The following GNAQ variants were observed in gnomAD, a reference collection of about 807,000 sequenced individuals.
The protein encoded by GNAQ is guanine nucleotide-binding protein G(q) subunit alpha.
A neutral mutation model predicts 43.9 loss-of-function variants in GNAQ; 8 were observed. That is an observed-to-expected ratio of 0.18 (90% CI 0.11 to 0.33). GNAQ has a LOEUF of 0.33. Ranked by LOEUF, GNAQ falls within the 10% of genes least tolerant of loss-of-function variation. GNAQ has a pLI of 1.00. For missense variants in GNAQ, 158 were observed against 450.8 expected (o/e 0.35, Z 5.88); for synonymous variants, 155 against 170.7 (o/e 0.91, Z 0.71).
At chr9:77,907,060 A>G (rs1269481371) in intron 2 of GNAQ, among the ~76,000 whole-genome samples, 3 of 152,216 alleles carry the variant, frequency 2.0e-5, no homozygotes, top group Non-Finnish European at 4.4e-5. Context: ...TGAGAAAAAG[A>G]AAAAAGGATC....
intron 2 of GNAQ, among the ~76,000 whole-genome samples, chr9:77,896,663 T>C (rs1170009735): frequency 2.6e-5 from 4 of 152,238 alleles, no homozygotes; most frequent in Non-Finnish European, 5.9e-5. Flanking sequence ...CCAATCAGGA[T>C]ACAAACAAAG....
Position 78,031,580 on chromosome 9 carries a change from G to GC in GNAQ, c.-346dup, listed in dbSNP as rs986536789. 6.6e-4 allele frequency: 100 copies of GC among 151,330 alleles called. 1 individual carries two copies. Among genetic ancestry groups the GC allele is most frequent in the South Asian group, 5.7e-3 (32 of 5,624 alleles). The allele number at this position is 151,330 out of a possible 1,614,324, so 9.4% of individuals were successfully genotyped here. ...TCCCCGGGAACAGGCGGCCCGCCTCGCCCCCCGAGCCGCCGCCGCCGCCGC... is the reference window on the plus strand; with the variant it reads ...TCCCCGGGAACAGGCGGCCCGCCTCGCCCCCCCGAGCCGCCGCCGCCGCCGC... On this transcript the variant is annotated 5_prime_UTR_variant, in exon 1 of 7. It removes the in-frame stop codon of an upstream open reading frame in the 5' UTR. Coordinates refer to ENST00000286548, the MANE Select transcript of GNAQ (RefSeq NM_002072.5).
intron 3 of GNAQ, among the ~76,000 whole-genome samples, chr9:77,811,243 A>C (rs1011142842): frequency 6.6e-6 from 1 of 152,158 alleles, no homozygotes; most frequent in East Asian, 1.9e-4. Context: ...GTGATAATGA[A>C]TAAGAAATTA....
intron 1 of GNAQ, among the ~76,000 whole-genome samples, chr9:78,023,088 T>G (rs548261857): frequency 6.6e-6 from 1 of 152,232 alleles, no homozygotes; most frequent in African/African-American, 2.4e-5. Flanking sequence ...TGGTCCGTGA[T>G]AGATTATCCA....
At chr9:77,895,743 GACC>G (rs1274486712) in intron 2 of GNAQ, among the ~76,000 whole-genome samples, 2 of 152,146 alleles carry the variant, frequency 1.3e-5, no homozygotes, top group Non-Finnish European at 2.9e-5. Flanking sequence ...TTGCAGGAGG[GACC>G]TGGTGGGAGA....
At chr9:77,739,832 A>G (rs1825627299) in intron 5 of GNAQ, among the ~76,000 whole-genome samples, 1 of 152,190 alleles carries the variant, frequency 6.6e-6, no homozygotes, top group Admixed American at 6.5e-5. Context: ...GAGATTTTGG[A>G]TAAAGAGAAA....
intron 5 of GNAQ, among the ~76,000 whole-genome samples, chr9:77,740,397 A>T (rs1031387352): frequency 3.2e-4 from 48 of 152,284 alleles, no homozygotes; most frequent in African/African-American, 1.1e-3. Flanking sequence ...TATGGTGAGC[A>T]TTTCCATTAA....
At chr9:77,919,295 G>A (rs1564151775) in intron 2 of GNAQ, among the ~76,000 whole-genome samples, 1 of 152,172 alleles carries the variant, frequency 6.6e-6, no homozygotes, top group Non-Finnish European at 1.5e-5. Flanking sequence ...CAGGGACAAT[G>A]AAGAATGAAT....
chr9:77,812,246 A>G (rs535818053), intron 3 of GNAQ, among the ~76,000 whole-genome samples: 13 of 152,350 alleles, frequency 8.5e-5, no homozygotes, highest in Admixed American at 2.6e-4. Flanking sequence ...GAGCTGATGA[A>G]GAACTAGAGA....
intron 2 of GNAQ, among the ~76,000 whole-genome samples, chr9:77,917,102 T>C (rs939075077): frequency 1.3e-5 from 2 of 152,176 alleles, no homozygotes; most frequent in African/African-American, 4.8e-5. Flanking sequence ...TACTGTAAGA[T>C]AATTTTCAAT....
At chr9:77,994,914 C>A (rs925260776) in intron 1 of GNAQ, among the ~76,000 whole-genome samples, 8 of 152,258 alleles carry the variant, frequency 5.3e-5, no homozygotes, top group African/African-American at 1.9e-4. Context: ...GGTAGATATT[C>A]TAACATCTTA....
At chr9:77,780,594 A>G (rs1011925936) in intron 5 of GNAQ, among the ~76,000 whole-genome samples, 1 of 151,972 alleles carries the variant, frequency 6.6e-6, no homozygotes, top group East Asian at 1.9e-4. Flanking sequence ...TCTCTCTGAT[A>G]TAATAACTTC....
intron 1 of GNAQ, among the ~76,000 whole-genome samples, chr9:77,982,431 T>C (rs1312571984): frequency 6.6e-6 from 1 of 152,202 alleles, no homozygotes; most frequent in East Asian, 1.9e-4. Context: ...TATAGGCTTC[T>C]GAAACCTCAC....
chr9:77,963,209 A>G (rs1587433700), intron 1 of GNAQ, among the ~76,000 whole-genome samples: 1 of 152,190 alleles, frequency 6.6e-6, no homozygotes. Context: ...CATTTTAAGA[A>G]CGGATGAAAT....
intron 4 of GNAQ, among the ~76,000 whole-genome samples, chr9:77,795,135 T>C (rs940999731): frequency 6.6e-6 from 1 of 152,164 alleles, no homozygotes; most frequent in African/African-American, 2.4e-5. Context: ...GTCGGCATGT[T>C]GGGCATTTTT....
At chr9:77,810,766 T>C (rs1259747220) in intron 3 of GNAQ, among the ~76,000 whole-genome samples, 1 of 152,178 alleles carries the variant, frequency 6.6e-6, no homozygotes, top group Non-Finnish European at 1.5e-5. Context: ...AAGTCAAACA[T>C]GAGCACTGCT....
At chr9:77,804,592 T>A (rs1311343000) in intron 3 of GNAQ, among the ~76,000 whole-genome samples, 1 of 152,074 alleles carries the variant, frequency 6.6e-6, no homozygotes, top group African/African-American at 2.4e-5. Context: ...CTGTGGATAG[T>A]TAAGTAGGAA....
At chr9:77,852,933 G>C (rs1325835222) in intron 2 of GNAQ, among the ~76,000 whole-genome samples, 1 of 152,174 alleles carries the variant, frequency 6.6e-6, no homozygotes, top group Non-Finnish European at 1.5e-5. Flanking sequence ...ATACACCCAG[G>C]CTGTCAGTGG....
chr9:77,743,426 C>T (rs1244741073), intron 5 of GNAQ, among the ~76,000 whole-genome samples: 1 of 152,112 alleles, frequency 6.6e-6, no homozygotes, highest in Non-Finnish European at 1.5e-5. Flanking sequence ...AATTTTTGAA[C>T]TTACAAGTGT....
Sources: allele counts gnomAD v4.1 joint callset (sites outside exome capture counted in the v4.1 genomes callset), GRCh38; gene constraint gnomAD v4.1.1; transcripts MANE v1.5; gene names NCBI Gene and HGNC (gene_info 2026-07-23, HGNC 2026-07-21).